The following WNT16 variants were observed in gnomAD, a reference collection of about 807,000 sequenced individuals.
WNT16 encodes the protein Wnt family member 16.
A neutral mutation model predicts 35.4 loss-of-function variants in WNT16; 20 were observed. That is an observed-to-expected ratio of 0.56 (90% CI 0.40 to 0.82). The LOEUF is 0.82. Ranked by LOEUF, WNT16 falls within the 40% of genes least tolerant of loss-of-function variation. The pLI, the probability that WNT16 is intolerant of heterozygous loss-of-function variation, is 0.00. For missense variants in WNT16, 461 were observed against 466.0 expected (o/e 0.99, Z 0.10); for synonymous variants, 180 against 179.2 (o/e 1.00, Z -0.03).
chr7:121,331,528 A>T, intron 2 of WNT16, 150 bp from the exon 3 acceptor site: 1 of 693,110 alleles, frequency 1.4e-6, no homozygotes, highest in East Asian at 2.7e-5. Context: ...ACAAGAGCAA[A>T]TCTTCCTTTC....
chr7:121,329,448 G>C, intron 1 of WNT16, 61 bp downstream of exon 1: 1 of 1,592,006 alleles, frequency 6.3e-7, no homozygotes, highest in Non-Finnish European at 8.6e-7. Flanking sequence ...CCAATCCTAG[G>C]GAACTTTCAA....
chr7:121,331,786 C>T lies in WNT16; in HGVS notation c.455C>T (p.Thr152Ile), dbSNP rs967285001. 4.3e-6 allele frequency: 7 copies of T among 1,614,104 alleles called. No homozygotes were observed. In the African/African-American group the frequency reaches 5.3e-5, roughly 12 times the overall value. The change falls in exon 3 of 4, where the codon ACC (threonine) becomes ATC (isoleucine). Residue 152 changes from threonine (T) to isoleucine (I), a missense_variant. Coordinates refer to ENST00000222462, the MANE Select transcript of WNT16 (RefSeq NM_057168.2). ...ATGACAGAGTGTTCCTGTGACACCA[C>T]CTTGCAGAACGGCGGCTCAGCAAGT... is the stretch of plus-strand genomic sequence containing the variant. ...GNMTECSCDT[T>I]LQNGGSASEG...
chr7:121,329,510 C>G, intron 1 of WNT16, 57 bp from the exon 2 acceptor site: 1 of 1,600,854 alleles, frequency 6.2e-7, no homozygotes, highest in Non-Finnish European at 8.5e-7. Context: ...CCTAATTTTT[C>G]GGAAAACATC....
In WNT16 at chr7:121,331,776, T is replaced by C. The variant is rs1343037590; in HGVS notation, c.445T>C (p.Cys149Arg). ...TGCAGGCAACATGACAGAGTGTTCC[T>C]GTGACACCACCTTGCAGAACGGCGG... ...CSAGNMTECS[C>R]DTTLQNGGSA... Residue 149 changes from cysteine to arginine, a missense_variant, in exon 3 of 4, where the codon TGT becomes CGT. By Grantham distance (180) the Cys-to-Arg change is radical. Transcript: ENST00000222462. The C allele has an allele frequency of 6.2e-7, 1 of 1,614,118 alleles. No homozygotes were observed. The highest frequency in any genetic ancestry group is 1.3e-5 in the African/African-American group (1 of 74,940).
intron 3 of WNT16, 39 bp downstream of exon 3, chr7:121,332,003 G>A (rs1793358188): frequency 6.2e-7 from 1 of 1,600,256 alleles, no homozygotes; most frequent in East Asian, 2.2e-5. Flanking sequence ...ACCCAGTGCT[G>A]TTAGGTAAAT....
chr7:121,332,237 C>CGT (rs56219125), intron 3 of WNT16, among the ~76,000 whole-genome samples: 89,662 of 151,260 alleles, frequency 0.59, 27,028 homozygotes, highest in East Asian at 0.75. Flanking sequence ...AATAAATATA[C>CGT]GTGTGTGTGT....
chr7:121,338,914 T>G lies in WNT16; in HGVS notation c.667T>G (p.Cys223Gly). The G allele has an allele frequency of 1.2e-6, 2 of 1,613,908 alleles. No homozygotes were observed. Among genetic ancestry groups the G allele is most frequent in the Non-Finnish European group, 8.5e-7 (1 of 1,179,920 alleles). Reference protein sequence around the residue: ...VAKLMSVDCRCHGVSGSCAVK... With the variant: ...VAKLMSVDCRGHGVSGSCAVK... The stretch of plus-strand genomic sequence containing the variant: ...CAAGTTGATGTCAGTAGACTGCCGC[T>G]GCCACGGAGTTTCCGGCTCCTGTGC... Residue 223 changes from cysteine to glycine, a missense_variant, in exon 4 of 4, where the codon TGC becomes GGC. Coordinates refer to ENST00000222462, the MANE Select transcript of WNT16 (RefSeq NM_057168.2).
chr7:121,331,325 A>C (rs1284511665), intron 2 of WNT16, among the ~76,000 whole-genome samples: 2 of 152,226 alleles, frequency 1.3e-5, no homozygotes, highest in Non-Finnish European at 2.9e-5. Flanking sequence ...ATCTATGCAA[A>C]GAATTTTTAA....
At chr7:121,327,973 T>C (rs62476343), upstream of WNT16, among the ~76,000 whole-genome samples, 2,264 of 152,348 alleles carry the variant, frequency 0.015, 27 homozygotes, top group Non-Finnish European at 0.023. Context: ...TAATCTCTCT[T>C]ACTGATCATC....
chr7:121,328,249 G>C (rs1199905999), upstream of WNT16, among the ~76,000 whole-genome samples: 1 of 152,130 alleles, frequency 6.6e-6, no homozygotes, highest in Admixed American at 6.5e-5. Flanking sequence ...GGTAGGACTG[G>C]AGAAAAAGAT....
chr7:121,339,445 T>C lies in WNT16; in HGVS notation c.*100T>C. On this transcript the variant is annotated 3_prime_UTR_variant, in exon 4 of 4. Transcript: ENST00000222462. ...GTGCAGCGCTAGTAAAGTTGACTCT[T>C]GCAGTGGAATCCCTAGAACCTTGGA... The C allele has an allele frequency of 1.8e-6, 2 of 1,103,114 alleles. No homozygotes were observed. The highest frequency in any genetic ancestry group is 2.6e-6 in the Non-Finnish European group (2 of 781,640). 68.3% of individuals were successfully genotyped at this position (1,103,114 alleles called of 1,614,324 possible).
upstream of WNT16, among the ~76,000 whole-genome samples, chr7:121,328,699 G>T (rs952022321): frequency 2.6e-5 from 4 of 152,294 alleles, no homozygotes; most frequent in Admixed American, 2.0e-4. Flanking sequence ...TCAAACCCAC[G>T]CTTTCCCCCA....
chr7:121,331,954 C>T lies in WNT16; in HGVS notation c.623C>T (p.Ala208Val), dbSNP rs1362322514. ...GCAATGAACCTACATAACAATGAAG[C>T]TGGAAGGCAGGTATGTATTAGAAAA... ...LLAMNLHNNE[A>V]GRQAVAKLMS... Residue 208 changes from alanine to valine, a missense_variant, in exon 3 of 4, where the codon GCT becomes GTT. Physicochemically the swap from Ala to Val is moderately conservative, Grantham distance 64. Transcript: ENST00000222462. 1.2e-6 allele frequency: 2 copies of T among 1,613,748 alleles called. No homozygotes were observed. The highest frequency in any genetic ancestry group is 8.5e-7 in the Non-Finnish European group (1 of 1,179,802).
chr7:121,328,729 T>A (rs1793281056), upstream of WNT16, among the ~76,000 whole-genome samples: 1 of 152,140 alleles, frequency 6.6e-6, no homozygotes, highest in Non-Finnish European at 1.5e-5. Context: ...AGACAGAGCG[T>A]CCTGTTAGTC....
upstream of WNT16, among the ~76,000 whole-genome samples, chr7:121,326,437 ATTGTGTC>A (rs1454469294): frequency 6.6e-6 from 1 of 152,314 alleles, no homozygotes; most frequent in East Asian, 1.9e-4. Flanking sequence ...ACGCCCTAAA[ATTGTGTC>A]TTGTGTTTGA....
Position 121,329,612 on chromosome 7 carries a change from C to T in WNT16, c.141C>T (p.Cys47=), listed in dbSNP as rs1422491093. The change falls in exon 2 of 4, where the codon TGC becomes TGT. Residue 47 remains cysteine (C), a synonymous_variant. Transcript: ENST00000222462. The part of the protein sequence containing the change: ...ASFGVPEKLG[C]ANLPLNSRQK... ...TCGGGGTTCCAGAGAAGCTGGGCTGCGCCAATTTGCCGCTGAACAGCCGCC... is the reference window on the plus strand; with the variant it reads ...TCGGGGTTCCAGAGAAGCTGGGCTGTGCCAATTTGCCGCTGAACAGCCGCC... 3.1e-6 allele frequency: 5 copies of T among 1,614,108 alleles called. No homozygotes were observed. The highest frequency in any genetic ancestry group is 3.4e-6 in the Non-Finnish European group (4 of 1,180,046).
chr7:121,338,599 C>T (rs1208725208), intron 3 of WNT16, among the ~76,000 whole-genome samples: 1 of 152,166 alleles, frequency 6.6e-6, no homozygotes, highest in East Asian at 1.9e-4. Context: ...TTTGTTATCG[C>T]AGATAATCTC....
chr7:121,334,932 C>T (rs1793416528), intron 3 of WNT16, among the ~76,000 whole-genome samples: 1 of 152,006 alleles, frequency 6.6e-6, no homozygotes. Context: ...AGTAACTCAA[C>T]AAAGTGGGAA....
chr7:121,330,893 C>T (rs139072240), intron 2 of WNT16, among the ~76,000 whole-genome samples: 1,580 of 151,402 alleles, frequency 0.01, 14 homozygotes, highest in Middle Eastern at 0.042. Flanking sequence ...CCCTTCTAGT[C>T]CATGTTATTA....
Sources: allele counts gnomAD v4.1 joint callset (sites outside exome capture counted in the v4.1 genomes callset), GRCh38; gene constraint gnomAD v4.1.1; transcripts MANE v1.5; gene names NCBI Gene and HGNC (gene_info 2026-07-23, HGNC 2026-07-21).